Variants in WDR27 observed in about 807,000 individuals in gnomAD.
The protein encoded by WDR27 is WD repeat-containing protein 27.
Under a neutral mutation model 114.4 loss-of-function variants are expected in WDR27, and 100 were observed. The ratio of observed to expected loss-of-function variants is 0.87; its 90% CI spans 0.74 to 1.03. WDR27 has a LOEUF of 1.03. WDR27 is among the 50% of genes least tolerant of loss of function. WDR27 has a pLI of 0.00. For missense variants in WDR27, 1,129 were observed against 1,092.9 expected (o/e 1.03, Z -0.47); for synonymous variants, 449 against 423.1 (o/e 1.06, Z -0.75).
intron 23 of WDR27, among the ~76,000 whole-genome samples, chr6:169,586,315 C>T (rs1165377617): frequency 6.6e-6 from 1 of 152,212 alleles, no homozygotes; most frequent in Non-Finnish European, 1.5e-5. Context: ...TGATGGCCCG[C>T]ATGGCTTTTC....
chr6:169,510,018 A>C (rs866744466), intron 25 of WDR27, among the ~76,000 whole-genome samples: 23 of 152,236 alleles, frequency 1.5e-4, no homozygotes, highest in African/African-American at 5.5e-4. Context: ...CAGCCAAAAA[A>C]CACATGAAAA....
chr6:169,428,689 G>A, the WDR27 span, among the ~76,000 whole-genome samples: 1 of 152,158 alleles, frequency 6.6e-6, no homozygotes, highest in Non-Finnish European at 1.5e-5. Context: ...AGGCAGCAGA[G>A]CCTGCAGTGA....
intron 25 of WDR27, among the ~76,000 whole-genome samples, chr6:169,543,144 A>C (rs768270821): frequency 6.6e-6 from 1 of 152,148 alleles, no homozygotes; most frequent in Non-Finnish European, 1.5e-5. Flanking sequence ...TGGGTAAAAT[A>C]TATAGTATTT....
intron 22 of WDR27, among the ~76,000 whole-genome samples, chr6:169,603,693 C>T (rs149172030): frequency 2.3e-3 from 356 of 152,316 alleles, no homozygotes; most frequent in Admixed American, 4.9e-3. Context: ...AGCAGGTGAT[C>T]CAGGGCCAGG....
chr6:169,499,353 C>T (rs1790827077), intron 25 of WDR27, among the ~76,000 whole-genome samples: 2 of 152,206 alleles, frequency 1.3e-5, no homozygotes, highest in African/African-American at 2.4e-5. Context: ...GGGACAAAGA[C>T]AGTGTGATGA....
intron 25 of WDR27, among the ~76,000 whole-genome samples, chr6:169,552,625 C>T (rs1798304443): frequency 1.3e-5 from 2 of 152,204 alleles, no homozygotes; most frequent in South Asian, 4.1e-4. Context: ...ATGCCAGGTT[C>T]CACTGAAGAA....
Position 169,497,943 on chromosome 6 carries a change from G to C in WDR27, c.2646-40309C>G, listed in dbSNP as rs540095040. 7.4e-4 allele frequency among the ~76,000 whole-genome samples: 113 copies of C among 152,204 alleles called. 1 individual carries two copies. Among genetic ancestry groups the C allele is most frequent in the African/African-American group, 2.7e-3 (111 of 41,536 alleles). ...AAAACTGAAAGCAGGGTCTTGAAGA[G>C]ATATTTGTTCAAACATGTTCATAAC... is the stretch of plus-strand genomic sequence containing the variant. On this transcript the variant is annotated intron_variant, in intron 25 of 25. Transcript: ENST00000448612.
chr6:169,519,987 A>G (rs549824282), intron 25 of WDR27, among the ~76,000 whole-genome samples: 23 of 152,238 alleles, frequency 1.5e-4, no homozygotes, highest in African/African-American at 4.8e-4. Context: ...ATCTTGAACT[A>G]CTTGACAGGA....
chr6:169,480,260 C>T (rs931972762), intron 25 of WDR27, among the ~76,000 whole-genome samples: 11 of 152,184 alleles, frequency 7.2e-5, no homozygotes, highest in Non-Finnish European at 1.5e-4. Flanking sequence ...CGCCAGGCTT[C>T]AGCCGCCTCC....
chr6:169,569,132 G>GGGACC (rs1263132078), intron 25 of WDR27, among the ~76,000 whole-genome samples: 1 of 152,146 alleles, frequency 6.6e-6, no homozygotes, highest in African/African-American at 2.4e-5. Context: ...ACACAACCGT[G>GGGACC]GGACCGTGAT....
At chr6:169,516,836 C>CACACACACA (rs1562522095) in intron 25 of WDR27, among the ~76,000 whole-genome samples, 61 of 149,746 alleles carry the variant, frequency 4.1e-4, no homozygotes, top group South Asian at 6.4e-4. Context: ...CACACACACA[C>CACACACACA]CCCTCCCTTA....
rs369074175 is a variant in WDR27, at chr6:169,638,550, C to T, written c.1858G>A (p.Ala620Thr). 48 of 1,610,746 alleles carry T rather than the reference C, an allele frequency of 3.0e-5. No homozygotes were observed. Among genetic ancestry groups the T allele is most frequent in the Middle Eastern group, 3.6e-4 (2 of 5,558 alleles). ...TGACTGTCCATTACCAGAAGCAGTG[C>T]GAGCTCTGCCCCACGAGCCGACCAC... ...RMWSARGAELALLLGKDMFSK... is the reference protein window; with the variant it reads ...RMWSARGAELTLLLGKDMFSK... Residue 620 changes from alanine to threonine, a missense_variant, in exon 18 of 26, where the codon GCA becomes ACA. Physicochemically the swap from Ala to Thr is moderately conservative, Grantham distance 58. Transcript: ENST00000448612.
intron 7 of WDR27, chr6:169,664,640 A>G: frequency 3.7e-6 from 4 of 1,082,168 alleles, no homozygotes; most frequent in Non-Finnish European, 4.5e-6. Context: ...GCCCTGGGTG[A>G]GAAGACAAGG....
At chr6:169,431,207 T>C in the WDR27 span, among the ~76,000 whole-genome samples, 78 of 152,342 alleles carry the variant, frequency 5.1e-4, 1 homozygote, top group African/African-American at 1.6e-3. Context: ...ACCCTCAAAC[T>C]TCTCTTTGTG....
At chr6:169,678,539 G>C (rs541084290) in intron 2 of WDR27, among the ~76,000 whole-genome samples, 1 of 152,254 alleles carries the variant, frequency 6.6e-6, no homozygotes, top group East Asian at 1.9e-4. Context: ...ATGAAACTTT[G>C]GACTTAGGAC....
intron 25 of WDR27, among the ~76,000 whole-genome samples, chr6:169,511,723 C>T (rs1792917910): frequency 6.6e-6 from 1 of 152,094 alleles, no homozygotes; most frequent in African/African-American, 2.4e-5. Context: ...AACTCTTGCT[C>T]TAGATAATAT....
At chr6:169,606,576 T>G (rs1809235358) in intron 22 of WDR27, among the ~76,000 whole-genome samples, 2 of 152,234 alleles carry the variant, frequency 1.3e-5, no homozygotes. Flanking sequence ...TGGTTTTATG[T>G]TCCTGTGTTA....
rs1472414519 is a variant in WDR27, at chr6:169,688,529, C to T, written c.189+288G>A. On this transcript the variant is annotated intron_variant, in intron 2 of 25. Transcript: ENST00000448612. Reference sequence around the variant, plus strand: ...AGTGAGAAACGTCAATCTAAACATTCGAATGTAGGAGACTTGATTATGTTA... The same window carrying T: ...AGTGAGAAACGTCAATCTAAACATTTGAATGTAGGAGACTTGATTATGTTA... Among the ~76,000 whole-genome samples the T allele has an allele frequency of 1.2e-4, 18 of 151,934 alleles. No individual in the cohort carries two copies. In the East Asian group the frequency reaches 2.5e-3, roughly 21 times the overall value.
At chr6:169,623,579 C>G (rs1375226764) in intron 21 of WDR27, among the ~76,000 whole-genome samples, 15 of 152,228 alleles carry the variant, frequency 9.9e-5, no homozygotes, top group African/African-American at 3.6e-4. Flanking sequence ...CGTACCCACT[C>G]ACATGCAGAG....
Sources: allele counts gnomAD v4.1 joint callset (sites outside exome capture counted in the v4.1 genomes callset), GRCh38; gene constraint gnomAD v4.1.1; transcripts MANE v1.5; gene names NCBI Gene and HGNC (gene_info 2026-07-23, HGNC 2026-07-21).